The following GRID1 variants were observed in gnomAD, a reference collection of about 807,000 sequenced individuals.
The protein encoded by GRID1 is glutamate receptor ionotropic, delta-1.
GRID1 carries 28 observed loss-of-function variants against 98.0 expected under a neutral mutation model. The observed-to-expected ratio is 0.29, with a 90% CI of 0.21 to 0.39. The LOEUF (loss-of-function observed/expected upper bound fraction) is 0.39. GRID1 is among the 10% of genes least tolerant of loss of function. The pLI, the probability that GRID1 is intolerant of heterozygous loss-of-function variation, is 1.00. For missense variants in GRID1, 1,111 were observed against 1,340.5 expected (o/e 0.83, Z 2.67); for synonymous variants, 553 against 538.5 (o/e 1.03, Z -0.37).
At chr10:86,040,775 T>C (rs1187610334) in intron 4 of GRID1, among the ~76,000 whole-genome samples, 3 of 152,200 alleles carry the variant, frequency 2.0e-5, no homozygotes, top group Non-Finnish European at 4.4e-5. Context: ...AAATGACCAA[T>C]GTTTAAGGTG....
intron 12 of GRID1, among the ~76,000 whole-genome samples, chr10:85,658,664 T>C (rs532463749): frequency 1.3e-5 from 2 of 152,302 alleles, no homozygotes; most frequent in African/African-American, 4.8e-5. Flanking sequence ...AACATGAAGT[T>C]GAACCTGTCC....
chr10:86,003,263 G>A lies in GRID1; in HGVS notation c.727-87024C>T, dbSNP rs1054505051. On this transcript the variant is annotated intron_variant, in intron 4 of 15. Coordinates refer to ENST00000327946, the MANE Select transcript of GRID1 (RefSeq NM_017551.3). ...CTGCCCTCACTGAACTTTGTCTAAT[G>A]AGACTTGCTCTTGGGAAGTCAGGGA... 9.3e-4 allele frequency among the ~76,000 whole-genome samples: 142 copies of A among 152,326 alleles called. 2 individuals carry two copies. The highest frequency in any genetic ancestry group is 9.0e-3 in the Admixed American group (138 of 15,306).
At chr10:85,956,920 A>G (rs887710120) in intron 4 of GRID1, among the ~76,000 whole-genome samples, 16 of 152,172 alleles carry the variant, frequency 1.1e-4, no homozygotes, top group African/African-American at 3.4e-4. Context: ...TTTATAAAGG[A>G]AAGAGGTTTA....
intron 5 of GRID1, among the ~76,000 whole-genome samples, chr10:85,904,591 C>A (rs1366096191): frequency 6.6e-6 from 1 of 151,994 alleles, no homozygotes; most frequent in Admixed American, 6.5e-5. Flanking sequence ...TTAGAATTAG[C>A]AGATAATTAC....
intron 14 of GRID1, among the ~76,000 whole-genome samples, chr10:85,616,291 A>C (rs183096112): frequency 2.4e-3 from 372 of 152,352 alleles, no homozygotes; most frequent in Middle Eastern, 0.01. Flanking sequence ...AAAGCTCAGA[A>C]TCTAGATGAC....
At chr10:85,897,135 T>C (rs1564621207) in intron 5 of GRID1, among the ~76,000 whole-genome samples, 2 of 152,200 alleles carry the variant, frequency 1.3e-5, no homozygotes, top group Non-Finnish European at 2.9e-5. Flanking sequence ...TTTATTGGTA[T>C]ATTAATTTGT....
intron 12 of GRID1, among the ~76,000 whole-genome samples, chr10:85,702,449 A>C (rs1841462464): frequency 6.6e-6 from 1 of 152,158 alleles, no homozygotes; most frequent in Middle Eastern, 3.2e-3. Context: ...TAATACCAAC[A>C]TATGAAAAAT....
In GRID1 at chr10:85,752,047, A is replaced by T. The variant is rs183712068; in HGVS notation, c.1234-22433T>A. Among the ~76,000 whole-genome samples, 7 of 152,300 alleles carry T rather than the reference A, an allele frequency of 4.6e-5. No individual in the cohort carries two copies. In the South Asian group the frequency reaches 8.3e-4, roughly 18 times the overall value. On this transcript the variant is annotated intron_variant, in intron 8 of 15. Coordinates refer to ENST00000327946, the MANE Select transcript of GRID1 (RefSeq NM_017551.3). ...TCCCAAAATGGCCTTTCTTTAATCC[A>T]CATTATTTAATGAAGCTTGGAATAG...
At chr10:85,878,874 C>G (rs937060257) in intron 5 of GRID1, among the ~76,000 whole-genome samples, 5 of 152,100 alleles carry the variant, frequency 3.3e-5, no homozygotes, top group African/African-American at 7.2e-5. Context: ...TTCAGGAAAC[C>G]CATCTCACGT....
intron 2 of GRID1, among the ~76,000 whole-genome samples, chr10:86,359,266 T>C (rs1484692601): frequency 6.6e-6 from 1 of 152,190 alleles, no homozygotes; most frequent in Non-Finnish European, 1.5e-5. Flanking sequence ...CCAGGAGGAC[T>C]GCAAGAGCGT....
In GRID1 at chr10:86,173,498, C is replaced by T. The variant is rs146653556; in HGVS notation, c.520+32866G>A. Among the ~76,000 whole-genome samples the T allele has an allele frequency of 2.9e-3, 437 of 152,212 alleles. 4 individuals are homozygous for T. The highest frequency in any genetic ancestry group is 0.01 in the African/African-American group (419 of 41,534). On this transcript the variant is annotated intron_variant, in intron 3 of 15. Coordinates refer to ENST00000327946, the MANE Select transcript of GRID1 (RefSeq NM_017551.3). ...AATCAGAATCCTGACAAAGTCTATA[C>T]ATATAGCCAATTGTTTGATACATCT...
chr10:85,929,354 AC>A (rs1353171031), intron 4 of GRID1, among the ~76,000 whole-genome samples: 2 of 152,116 alleles, frequency 1.3e-5, no homozygotes, highest in Non-Finnish European at 2.9e-5. Context: ...ATCCAGACTG[AC>A]CCAGGGTAAC....
chr10:86,047,955 G>A (rs950298524), intron 4 of GRID1, among the ~76,000 whole-genome samples: 1 of 152,114 alleles, frequency 6.6e-6, no homozygotes, highest in Non-Finnish European at 1.5e-5. Flanking sequence ...GGAAAATAAC[G>A]GTTGTTTTGT....
chr10:85,787,524 C>T (rs1295647696), intron 8 of GRID1, among the ~76,000 whole-genome samples: 2 of 152,146 alleles, frequency 1.3e-5, no homozygotes. Context: ...AACTGGAGCT[C>T]TGCTTTGAAT....
intron 2 of GRID1, among the ~76,000 whole-genome samples, chr10:86,340,811 G>A (rs1001473852): frequency 2.0e-5 from 3 of 152,156 alleles, no homozygotes; most frequent in South Asian, 2.1e-4. Flanking sequence ...GGACTGGAGC[G>A]GGAAGCTGCC....
intron 2 of GRID1, among the ~76,000 whole-genome samples, chr10:86,216,177 T>A (rs1229802598): frequency 1.3e-5 from 2 of 152,252 alleles, no homozygotes; most frequent in African/African-American, 2.4e-5. Flanking sequence ...AGGAATACTT[T>A]ATCCTAGCAC....
chr10:85,931,079 G>T (rs1331492715), intron 4 of GRID1, among the ~76,000 whole-genome samples: 1 of 152,070 alleles, frequency 6.6e-6, no homozygotes, highest in Admixed American at 6.5e-5. Flanking sequence ...TGATCTGCAG[G>T]CCTTAGCCTC....
intron 2 of GRID1, among the ~76,000 whole-genome samples, chr10:86,263,647 T>C (rs1847056893): frequency 6.6e-6 from 1 of 152,214 alleles, no homozygotes; most frequent in South Asian, 2.1e-4. Flanking sequence ...CTCTGATGCC[T>C]GTTTCCCCAC....
chr10:86,223,286 C>T lies in GRID1; in HGVS notation c.236-16638G>A, dbSNP rs183245104. 1.9e-3 allele frequency among the ~76,000 whole-genome samples: 296 copies of T among 152,306 alleles called. 1 individual carries two copies. The highest frequency in any genetic ancestry group is 6.8e-3 in the African/African-American group (282 of 41,564). On this transcript the variant is annotated intron_variant, in intron 2 of 15. Transcript: ENST00000327946. ...AAGATGGTGCTCCCTTTCTCCACCCCCTGCCCAGACACCTTCCCTGGAAAG... is the reference window on the plus strand; with the variant it reads ...AAGATGGTGCTCCCTTTCTCCACCCTCTGCCCAGACACCTTCCCTGGAAAG...
Sources: allele counts gnomAD v4.1 joint callset (sites outside exome capture counted in the v4.1 genomes callset), GRCh38; gene constraint gnomAD v4.1.1; transcripts MANE v1.5; gene names NCBI Gene and HGNC (gene_info 2026-07-23, HGNC 2026-07-21).